The following LAMB1 variants were observed in gnomAD, a reference collection of about 807,000 sequenced individuals.
LAMB1 encodes the protein laminin subunit beta-1.
In LAMB1, 121 loss-of-function variants were observed where a neutral mutation model predicts 222.3. That is an observed-to-expected ratio of 0.54 (90% CI 0.47 to 0.63). The LOEUF is 0.63. Ranked by LOEUF, LAMB1 falls within the 30% of genes least tolerant of loss-of-function variation. The probability of loss-of-function intolerance (pLI) is 0.00; values close to 1 mark genes in which losing one functional copy is unlikely to be tolerated. For synonymous variants in LAMB1, 794 were observed against 807.2 expected, an observed-to-expected ratio of 0.98 and a Z score of 0.28; for missense variants, 2,172 against 2,240.8, an observed-to-expected ratio of 0.97 and a Z score of 0.62.
At chr7:107,990,039 T>C (rs2034152493) in intron 5 of LAMB1, among the ~76,000 whole-genome samples, 2 of 152,002 alleles carry the variant, frequency 1.3e-5, no homozygotes, top group African/African-American at 2.4e-5. Flanking sequence ...TTTTTTTTGT[T>C]TGTTTGTTTT....
intron 7 of LAMB1, among the ~76,000 whole-genome samples, chr7:107,981,325 G>A (rs560361720): frequency 1.6e-4 from 25 of 152,234 alleles, no homozygotes; most frequent in African/African-American, 5.3e-4. Context: ...GCATCCGCCT[G>A]TAATCCCAGC....
intron 29 of LAMB1, among the ~76,000 whole-genome samples, chr7:107,931,074 AC>A (rs1399908566): frequency 6.6e-5 from 10 of 152,192 alleles, no homozygotes; most frequent in African/African-American, 2.4e-4. Flanking sequence ...AAATTACTAT[AC>A]GTAATTTCTA....
intron 12 of LAMB1, 29 bp from the exon 13 acceptor site, chr7:107,973,100 G>T (rs746069222): frequency 1.3e-6 from 2 of 1,581,758 alleles, no homozygotes; most frequent in Non-Finnish European, 8.7e-7. Flanking sequence ...AACATGTAAC[G>T]GTAGGTTTCT....
intron 5 of LAMB1, among the ~76,000 whole-genome samples, chr7:107,988,506 G>C (rs955686449): frequency 6.6e-6 from 1 of 152,182 alleles, no homozygotes; most frequent in Non-Finnish European, 1.5e-5. Flanking sequence ...CTAGAAAAAC[G>C]TATCAACCAG....
At position 107,960,377 on chromosome 7, in the gene LAMB1, G is replaced by A. The variant is rs976305502; in HGVS notation, c.2314+68C>T. 4.1e-6 allele frequency: 5 copies of A among 1,221,040 alleles called. No individual in the cohort carries two copies. The African/African-American group carries it at 7.4e-5, about 18-fold the overall frequency. The allele number at this position is 1,221,040 out of a possible 1,614,324, so 75.6% of individuals were successfully genotyped here. On this transcript the variant is annotated intron_variant, in intron 18 of 33. Transcript: ENST00000222399. ...AGGGCTAGGGGGTGGGCACTCCACT[G>A]TACTTCATGTGCCAGATATACTCAG...
chr7:107,965,885 G>A (rs2033624994), intron 13 of LAMB1, among the ~76,000 whole-genome samples: 2 of 151,982 alleles, frequency 1.3e-5, no homozygotes, highest in African/African-American at 4.8e-5. Context: ...TGGATCACTT[G>A]CAGGAGTTTG....
intron 19 of LAMB1, 50 bp from the exon 20 acceptor site, chr7:107,959,530 A>C (rs746233325): frequency 1.2e-6 from 2 of 1,609,024 alleles, no homozygotes; most frequent in African/African-American, 1.3e-5. Context: ...CATTCAATGG[A>C]AACATGCTCC....
chr7:107,982,053 A>C (rs2033983363), intron 7 of LAMB1, among the ~76,000 whole-genome samples: 1 of 152,218 alleles, frequency 6.6e-6, no homozygotes, highest in Admixed American at 6.5e-5. Context: ...ATTTTTTCTC[A>C]AATACAAGTT....
chr7:107,931,943 A>G (rs1335371832), intron 28 of LAMB1, among the ~76,000 whole-genome samples: 2 of 152,250 alleles, frequency 1.3e-5, no homozygotes, highest in African/African-American at 2.4e-5. Flanking sequence ...AGATTTAAAC[A>G]TCTTGCTCTA....
rs1484385084 is a variant in LAMB1, at chr7:107,923,849, A to T, written c.*102T>A. On this transcript the variant is annotated 3_prime_UTR_variant, in exon 34 of 34. Transcript: ENST00000222399. ...TTAACTCCATACAAAATGTGATTAA[A>T]AACATTAAATAGGTGATGTTTTATT... The T allele has an allele frequency of 2.7e-6, 3 of 1,104,700 alleles. No individual in the cohort carries two copies. In the Admixed American group the frequency reaches 7.6e-5, roughly 28 times the overall value. The allele number at this position is 1,104,700 out of a possible 1,614,324, so 68.4% of individuals were successfully genotyped here.
intron 13 of LAMB1, among the ~76,000 whole-genome samples, chr7:107,969,715 G>A (rs887448271): frequency 2.6e-5 from 4 of 152,194 alleles, no homozygotes; most frequent in Admixed American, 2.6e-4. Context: ...ATAGCCTATT[G>A]CTCCTAAGCT....
chr7:107,937,592 A>G (rs1476317143), intron 25 of LAMB1, among the ~76,000 whole-genome samples: 1 of 152,202 alleles, frequency 6.6e-6, no homozygotes, highest in Non-Finnish European at 1.5e-5. Context: ...TTCTGGCTCT[A>G]TTCACAGGCA....
Position 107,935,529 on chromosome 7 carries a change from G to T in LAMB1, c.4074C>A (p.Asp1358Glu), listed in dbSNP as rs146681738. 1.9e-6 allele frequency: 3 copies of T among 1,613,602 alleles called. No individual in the cohort carries two copies. The highest frequency in any genetic ancestry group is 2.7e-5 in the African/African-American group (2 of 74,730). The change falls in exon 27 of 34, where the codon GAC becomes GAA. Residue 1358 changes from aspartate to glutamate, a missense_variant. Coordinates refer to ENST00000222399, the MANE Select transcript of LAMB1 (RefSeq NM_002291.3). The stretch of plus-strand genomic sequence containing the variant: ...ACTGGGATTCTCGCTCCATCATCAC[G>T]TCTTCTACTCTGTCTCTCATGAGGG... ...QSALMRDRVEDVMMERESQFK... is the reference protein window; with the variant it reads ...QSALMRDRVEEVMMERESQFK...
chr7:107,998,595 A>C, intron 3 of LAMB1, 103 bp from the exon 4 acceptor site: 1 of 929,608 alleles, frequency 1.1e-6, no homozygotes, highest in Non-Finnish European at 1.6e-6. Context: ...TCAACCTATT[A>C]GCTTCAAGAA....
intron 25 of LAMB1, among the ~76,000 whole-genome samples, chr7:107,938,304 C>CT (rs953120352): frequency 6.6e-6 from 1 of 152,062 alleles, no homozygotes; most frequent in Non-Finnish European, 1.5e-5. Flanking sequence ...ATTTCAGTGC[C>CT]TTTTTTTCCT....
intron 14 of LAMB1, among the ~76,000 whole-genome samples, chr7:107,963,715 A>G (rs2033562490): frequency 1.3e-5 from 2 of 152,340 alleles, no homozygotes; most frequent in South Asian, 4.1e-4. Flanking sequence ...TGACCAACAG[A>G]ACCTGAGGAA....
At position 107,953,944 on chromosome 7, in the gene LAMB1, T is replaced by C. The variant is rs543432911; in HGVS notation, c.2855-190A>G. Reference sequence around the variant, plus strand: ...TTTGAGTTGTGAGAGGAAGGCAGTATTACTTTCAGTGGCAAAAACCATAGT... The same window carrying C: ...TTTGAGTTGTGAGAGGAAGGCAGTACTACTTTCAGTGGCAAAAACCATAGT... On this transcript the variant is annotated intron_variant, in intron 21 of 33. Transcript: ENST00000222399. 6.6e-5 allele frequency among the ~76,000 whole-genome samples: 10 copies of C among 152,266 alleles called. No homozygotes were observed. The East Asian group carries it at 1.4e-3, about 21-fold the overall frequency.
intron 20 of LAMB1, 23 bp from the exon 21 acceptor site, chr7:107,955,653 C>T (rs1423736081): frequency 5.0e-6 from 8 of 1,590,260 alleles, no homozygotes; most frequent in Non-Finnish European, 6.9e-6. Context: ...CAGAAGAGAA[C>T]AGGCCATGAC....
intron 12 of LAMB1, among the ~76,000 whole-genome samples, chr7:107,973,535 G>A (rs1306271504): frequency 6.6e-6 from 1 of 152,060 alleles, no homozygotes; most frequent in Non-Finnish European, 1.5e-5. Context: ...TGAGCCACGA[G>A]GAAATCAGAT....
Sources: allele counts gnomAD v4.1 joint callset (sites outside exome capture counted in the v4.1 genomes callset), GRCh38; gene constraint gnomAD v4.1.1; transcripts MANE v1.5; gene names NCBI Gene and HGNC (gene_info 2026-07-23, HGNC 2026-07-21).